The following SLC24A3 variants were observed in gnomAD, a reference collection of about 807,000 sequenced individuals.
SLC24A3 encodes sodium/potassium/calcium exchanger 3.
A neutral mutation model predicts 75.8 loss-of-function variants in SLC24A3; 28 were observed. That is an observed-to-expected ratio of 0.37 (90% confidence interval 0.27 to 0.51). The LOEUF (loss-of-function observed/expected upper bound fraction) is 0.51, where lower values mean the gene tolerates loss of function less well. Ranked by LOEUF, SLC24A3 falls within the 20% of genes least tolerant of loss-of-function variation. The probability of loss-of-function intolerance (pLI) is 0.94; values close to 1 mark genes in which losing one functional copy is unlikely to be tolerated. For synonymous variants in SLC24A3, 372 were observed against 334.1 expected (o/e 1.11, Z -1.24); for missense variants, 663 against 847.8 (o/e 0.78, Z 2.71).
intron 6 of SLC24A3, among the ~76,000 whole-genome samples, chr20:19,626,186 C>G (rs896206537): frequency 1.3e-5 from 2 of 152,124 alleles, no homozygotes; most frequent in African/African-American, 4.8e-5. Context: ...AAACCACATT[C>G]CAAGCTCTAT....
At chr20:19,703,495 C>G (rs1183027691) in intron 15 of SLC24A3, among the ~76,000 whole-genome samples, 1 of 152,206 alleles carries the variant, frequency 6.6e-6, no homozygotes, top group Non-Finnish European at 1.5e-5. Context: ...AGCAAGCAAT[C>G]CCTTTGTACA....
At chr20:19,639,142 T>C (rs1403519879) in intron 6 of SLC24A3, among the ~76,000 whole-genome samples, 2 of 152,168 alleles carry the variant, frequency 1.3e-5, no homozygotes, top group Non-Finnish European at 2.9e-5. Context: ...ATCCCTGAGC[T>C]AGACACAAAG....
chr20:19,671,989 G>A (rs563509442), intron 8 of SLC24A3, among the ~76,000 whole-genome samples: 2 of 152,284 alleles, frequency 1.3e-5, no homozygotes, highest in East Asian at 3.9e-4. Context: ...AGTCAGAAGA[G>A]AGGGTTTTAT....
intron 2 of SLC24A3, among the ~76,000 whole-genome samples, chr20:19,298,223 T>C (rs1211557736): frequency 6.6e-6 from 1 of 152,250 alleles, no homozygotes; most frequent in Non-Finnish European, 1.5e-5. Flanking sequence ...GCCCCCTGCA[T>C]GAACACGGGA....
At chr20:19,390,976 T>C (rs1986355476) in intron 2 of SLC24A3, among the ~76,000 whole-genome samples, 1 of 152,104 alleles carries the variant, frequency 6.6e-6, no homozygotes, top group South Asian at 2.1e-4. Context: ...GACTATAGCC[T>C]TGGGCTCTGG....
At chr20:19,384,018 C>A (rs1387988216) in intron 2 of SLC24A3, among the ~76,000 whole-genome samples, 1 of 152,136 alleles carries the variant, frequency 6.6e-6, no homozygotes, top group Non-Finnish European at 1.5e-5. Flanking sequence ...TTTGGAATAA[C>A]TTTATTTCTC....
At chr20:19,520,655 A>G (rs891956390) in intron 3 of SLC24A3, among the ~76,000 whole-genome samples, 2 of 152,176 alleles carry the variant, frequency 1.3e-5, no homozygotes, top group Non-Finnish European at 2.9e-5. Flanking sequence ...GAGGACCATT[A>G]ACATCACTCC....
chr20:19,321,528 T>C (rs1049077307), intron 2 of SLC24A3, among the ~76,000 whole-genome samples: 3 of 152,210 alleles, frequency 2.0e-5, no homozygotes, highest in Non-Finnish European at 4.4e-5. Flanking sequence ...TGGAAAATCT[T>C]AGAACATTAA....
At chr20:19,528,556 T>G (rs191922470) in intron 3 of SLC24A3, among the ~76,000 whole-genome samples, 1 of 152,334 alleles carries the variant, frequency 6.6e-6, no homozygotes, top group African/African-American at 2.4e-5. Flanking sequence ...GACTTTGGTT[T>G]GGATGCTTTT....
At chr20:19,714,332 G>A (rs1600354381) in intron 15 of SLC24A3, among the ~76,000 whole-genome samples, 1 of 148,890 alleles carries the variant, frequency 6.7e-6, no homozygotes, top group Middle Eastern at 3.5e-3. Flanking sequence ...TTGGGCACAG[G>A]AGTTCAAAGC....
intron 6 of SLC24A3, among the ~76,000 whole-genome samples, chr20:19,634,903 A>G (rs2031980934): frequency 6.6e-6 from 1 of 152,252 alleles, no homozygotes; most frequent in Non-Finnish European, 1.5e-5. Flanking sequence ...TTAAAAACCA[A>G]TCAACAAATA....
intron 2 of SLC24A3, among the ~76,000 whole-genome samples, chr20:19,513,735 T>TAAAAA (rs1568640205): frequency 1.4e-4 from 14 of 96,866 alleles, no homozygotes; most frequent in African/African-American, 5.0e-4. Context: ...TGCTTTTTTT[T>TAAAAA]TAGAAAAAAA....
At chr20:19,459,109 G>C (rs1374744062) in intron 2 of SLC24A3, among the ~76,000 whole-genome samples, 1 of 152,170 alleles carries the variant, frequency 6.6e-6, no homozygotes, top group Non-Finnish European at 1.5e-5. Flanking sequence ...TGTGGGGACT[G>C]CAAGATTGAT....
At chr20:19,658,254 G>A (rs1391866347) in intron 7 of SLC24A3, among the ~76,000 whole-genome samples, 1 of 151,228 alleles carries the variant, frequency 6.6e-6, no homozygotes, top group African/African-American at 2.4e-5. Context: ...CTGAGGGGCC[G>A]AGGGTTCAGA....
intron 1 of SLC24A3, among the ~76,000 whole-genome samples, chr20:19,224,147 TGA>T (rs1424117385): frequency 2.9e-4 from 40 of 140,008 alleles, no homozygotes; most frequent in African/African-American, 9.1e-4. Context: ...TGTGTGTGTG[TGA>T]GAGTATTGAG....
At chr20:19,695,870 G>T (rs926964571) in intron 13 of SLC24A3, among the ~76,000 whole-genome samples, 83 of 152,230 alleles carry the variant, frequency 5.5e-4, no homozygotes, top group African/African-American at 2.0e-3. Context: ...TTGACTTTCT[G>T]TGTCTGAGCT....
intron 2 of SLC24A3, among the ~76,000 whole-genome samples, chr20:19,422,929 T>G (rs1043670074): frequency 1.3e-5 from 2 of 152,192 alleles, no homozygotes; most frequent in Non-Finnish European, 2.9e-5. Context: ...TGTAATTGAT[T>G]AGTAATTGAT....
chr20:19,216,812 T>C (rs546220208), intron 1 of SLC24A3, among the ~76,000 whole-genome samples: 24 of 152,338 alleles, frequency 1.6e-4, no homozygotes, highest in African/African-American at 5.3e-4. Flanking sequence ...TAATTTTTTT[T>C]GCTTATGGAT....
At chr20:19,583,352 A>G (rs1361919172) in intron 4 of SLC24A3, among the ~76,000 whole-genome samples, 4 of 152,092 alleles carry the variant, frequency 2.6e-5, no homozygotes, top group Admixed American at 2.6e-4. Flanking sequence ...AGAATGTGTG[A>G]GCCGCAAAAC....
Sources: gnomAD v4.1 joint callset for allele counts (sites outside exome capture counted in the v4.1 genomes callset) on GRCh38, gnomAD v4.1.1 for gene constraint, MANE v1.5 for transcripts, NCBI Gene and HGNC (gene_info 2026-07-23, HGNC 2026-07-21) for gene names.